Variants in KIAA1217 observed in about 807,000 individuals in gnomAD.
The protein encoded by KIAA1217 is KIAA1217, also known as sickle tail protein homolog.
In KIAA1217, 88 loss-of-function variants were observed where a neutral mutation model predicts 163.9. The observed-to-expected ratio is 0.54, with a 90% CI of 0.45 to 0.64. The LOEUF is 0.64. Ranked by LOEUF, KIAA1217 falls within the 30% of genes least tolerant of loss-of-function variation. KIAA1217 has a pLI of 0.00. For synonymous variants in KIAA1217, 903 were observed against 923.1 expected (o/e 0.98, Z 0.39); for missense variants, 2,372 against 2,475.0 (o/e 0.96, Z 0.88).
At chr10:24,064,293 CTTA>C (rs2060850575) in intron 2 of KIAA1217, among the ~76,000 whole-genome samples, 1 of 152,034 alleles carries the variant, frequency 6.6e-6, no homozygotes, top group Admixed American at 6.5e-5. Context: ...ATAGATAGCT[CTTA>C]TTATTTTGAG....
chr10:23,743,500 T>C (rs372004884), intron 1 of KIAA1217, among the ~76,000 whole-genome samples: 15 of 152,322 alleles, frequency 9.8e-5, no homozygotes, highest in African/African-American at 3.6e-4. Flanking sequence ...TGGAATGAAT[T>C]GATGGCTGCC....
chr10:23,780,204 T>C (rs1835193793), intron 1 of KIAA1217, among the ~76,000 whole-genome samples: 1 of 152,248 alleles, frequency 6.6e-6, no homozygotes, highest in Non-Finnish European at 1.5e-5. Flanking sequence ...TTGTACATAG[T>C]GAAATGGTGA....
rs1389607602 is a variant in KIAA1217, at chr10:23,726,707, AAAAC to A, written c.-321+31480_-321+31483del. Among the ~76,000 whole-genome samples the A allele has an allele frequency of 3.1e-3, 472 of 152,254 alleles. 9 individuals are homozygous for A. The highest frequency in any genetic ancestry group is 2.3e-3 in the Non-Finnish European group (158 of 68,024). On this transcript the variant is annotated intron_variant, in intron 1 of 18. Transcript: ENST00000376462. The stretch of plus-strand genomic sequence containing the variant: ...ACAAAGAACTCAAATTTACAAGAAA[AAAAC>A]AAACAACCCCATCAACAAGTGGGCA...
intron 2 of KIAA1217, among the ~76,000 whole-genome samples, chr10:24,007,600 G>C (rs1203426273): frequency 6.6e-6 from 1 of 152,172 alleles, no homozygotes; most frequent in Admixed American, 6.5e-5. Flanking sequence ...GTTGCGGACA[G>C]GGTTAGCACA....
intron 1 of KIAA1217, among the ~76,000 whole-genome samples, chr10:23,762,117 C>T (rs1030207609): frequency 6.6e-6 from 1 of 152,018 alleles, no homozygotes. Flanking sequence ...AATTAATAGC[C>T]TACCAACAAC....
At chr10:23,850,263 G>C (rs1588945114) in intron 1 of KIAA1217, among the ~76,000 whole-genome samples, 1 of 152,206 alleles carries the variant, frequency 6.6e-6, no homozygotes, top group South Asian at 2.1e-4. Context: ...TAACAGCTGG[G>C]CTGGCCATTA....
At chr10:24,238,328 A>G (rs2072567998) in intron 2 of KIAA1217, among the ~76,000 whole-genome samples, 1 of 152,122 alleles carries the variant, frequency 6.6e-6, no homozygotes, top group Non-Finnish European at 1.5e-5. Flanking sequence ...AGTCCTATTC[A>G]AATTTTCTGG....
intron 6 of KIAA1217, chr10:24,482,963 T>C (rs912319676): frequency 3.4e-5 from 5 of 146,386 alleles, no homozygotes; most frequent in African/African-American, 1.0e-4. Context: ...GAGGCTGCAG[T>C]GAGCTATGAT....
chr10:23,938,313 G>A (rs1189880233), intron 1 of KIAA1217, among the ~76,000 whole-genome samples: 1 of 152,052 alleles, frequency 6.6e-6, no homozygotes, highest in East Asian at 1.9e-4. Flanking sequence ...CTAGAATAAA[G>A]TCTGCTCCAG....
chr10:24,199,456 T>C (rs2067144587), intron 2 of KIAA1217, among the ~76,000 whole-genome samples: 1 of 152,198 alleles, frequency 6.6e-6, no homozygotes, highest in African/African-American at 2.4e-5. Context: ...CCTTTCCACA[T>C]TGCCACACAT....
chr10:24,494,897 A>G, intron 7 of KIAA1217: 1 of 578,272 alleles, frequency 1.7e-6, no homozygotes, highest in Non-Finnish European at 3.0e-6. Context: ...TGCAACCACC[A>G]CCCTTGCGTG....
chr10:24,093,204 CT>C, intron 2 of KIAA1217, among the ~76,000 whole-genome samples: 1 of 151,352 alleles, frequency 6.6e-6, no homozygotes. Flanking sequence ...GAGTTTTACT[CT>C]TGTTGCCTAA....
At chr10:24,521,958 G>A in intron 12 of KIAA1217, 29 bp downstream of exon 12, 3 of 1,592,248 alleles carry the variant, frequency 1.9e-6, no homozygotes, top group Non-Finnish European at 8.6e-7. Context: ...TGCTGGGGGT[G>A]GCCTGCGGAG....
intron 5 of KIAA1217, among the ~76,000 whole-genome samples, chr10:24,462,972 G>A (rs183676396): frequency 1.3e-5 from 2 of 152,264 alleles, no homozygotes; most frequent in African/African-American, 2.4e-5. Flanking sequence ...AACAAGGTTC[G>A]TCCAGGAAAT....
chr10:24,365,266 A>G (rs569405659), intron 2 of KIAA1217, among the ~76,000 whole-genome samples: 25 of 151,790 alleles, frequency 1.6e-4, no homozygotes, highest in African/African-American at 6.0e-4. Context: ...CTCCTGGCAG[A>G]CTCACTGGGA....
At chr10:23,961,798 T>A (rs1279490839) in intron 1 of KIAA1217, among the ~76,000 whole-genome samples, 2 of 152,192 alleles carry the variant, frequency 1.3e-5, no homozygotes, top group Non-Finnish European at 2.9e-5. Flanking sequence ...AGGTGTGGGT[T>A]GGGCTGAATC....
intron 17 of KIAA1217, among the ~76,000 whole-genome samples, chr10:24,539,974 C>T (rs1438980749): frequency 1.3e-5 from 2 of 152,186 alleles, no homozygotes; most frequent in Non-Finnish European, 2.9e-5. Context: ...CCTATAAATA[C>T]ATATTAAAGA....
chr10:24,253,447 C>G (rs2074782606), intron 2 of KIAA1217, among the ~76,000 whole-genome samples: 1 of 152,142 alleles, frequency 6.6e-6, no homozygotes, highest in Non-Finnish European at 1.5e-5. Context: ...ATTTGCTCAC[C>G]CAGGCTCCCA....
chr10:24,185,748 T>G (rs575362787), intron 2 of KIAA1217, among the ~76,000 whole-genome samples: 5 of 152,072 alleles, frequency 3.3e-5, no homozygotes, highest in Admixed American at 6.5e-5. Context: ...TGAGCTGAGA[T>G]GGCGCCACTG....
Sources: allele counts gnomAD v4.1 joint callset (sites outside exome capture counted in the v4.1 genomes callset), GRCh38; gene constraint gnomAD v4.1.1; transcripts MANE v1.5; gene names NCBI Gene and HGNC (gene_info 2026-07-23, HGNC 2026-07-21).